ZNF609: variants seen among roughly 807,000 people sequenced by gnomAD.
The protein encoded by ZNF609 is zinc finger protein 609.
In ZNF609, 11 loss-of-function variants were observed where a neutral mutation model predicts 109.5. The ratio of observed to expected loss-of-function variants is 0.10; its 90% CI spans 0.06 to 0.17. The LOEUF (loss-of-function observed/expected upper bound fraction) is 0.17. Ranked by LOEUF, ZNF609 falls within the 10% of genes least tolerant of loss-of-function variation. The pLI is 1.00. For missense variants in ZNF609, 1,559 were observed against 1,772.4 expected, an observed-to-expected ratio of 0.88 and a Z score of 2.16; for synonymous variants, 646 against 662.0, an observed-to-expected ratio of 0.98 and a Z score of 0.37.
chr15:64,598,762 A>C (rs1238224264), intron 2 of ZNF609, among the ~76,000 whole-genome samples: 2 of 125,656 alleles, frequency 1.6e-5, no homozygotes, highest in African/African-American at 5.4e-5. Flanking sequence ...ATATATATAT[A>C]TATATATATA....
In ZNF609 at chr15:64,486,566, G is replaced by A. The variant is rs192808200; in HGVS notation, c.-127-12727G>A. On this transcript the variant is annotated intron_variant, in intron 1 of 9. Coordinates refer to ENST00000326648, the MANE Select transcript of ZNF609 (RefSeq NM_015042.2). ...AATTGTTTTGTCTATCCAAATAATA[G>A]ATAAATTATTTTTGGTTTCCTATGA... 4.0e-4 allele frequency among the ~76,000 whole-genome samples: 61 copies of A among 151,034 alleles called. 1 individual carries two copies. Among genetic ancestry groups the A allele is most frequent in the African/African-American group, 1.5e-3 (60 of 41,196 alleles).
chr15:64,519,518 A>T (rs952889347), intron 2 of ZNF609, among the ~76,000 whole-genome samples: 3 of 152,192 alleles, frequency 2.0e-5, no homozygotes, highest in Non-Finnish European at 2.9e-5. Context: ...CAAACATTTT[A>T]AAATCCACTG....
At chr15:64,472,526 TGTCTG>T (rs1953134001) in intron 1 of ZNF609, among the ~76,000 whole-genome samples, 1 of 152,188 alleles carries the variant, frequency 6.6e-6, no homozygotes, top group South Asian at 2.1e-4. Context: ...GGGCACTTTG[TGTCTG>T]GTTGAGATGA....
intron 3 of ZNF609, among the ~76,000 whole-genome samples, chr15:64,658,952 A>C (rs1896533950): frequency 6.6e-6 from 1 of 152,128 alleles, no homozygotes; most frequent in South Asian, 2.1e-4. Flanking sequence ...TTTTTAATGG[A>C]AAATAACTAT....
chr15:64,504,694 T>G (rs1893608935), intron 2 of ZNF609, among the ~76,000 whole-genome samples: 1 of 151,698 alleles, frequency 6.6e-6, no homozygotes, highest in African/African-American at 2.4e-5. Context: ...TTGGCCAGGC[T>G]GGTCTCAAAT....
intron 3 of ZNF609, chr15:64,631,161 T>C (rs1378319576): frequency 5.0e-6 from 3 of 605,814 alleles, no homozygotes; most frequent in Non-Finnish European, 9.5e-6. Context: ...CTCCTTCCCA[T>C]TGGTTCTCAC....
At chr15:64,655,767 T>G (rs1248664495) in intron 3 of ZNF609, among the ~76,000 whole-genome samples, 1 of 152,142 alleles carries the variant, frequency 6.6e-6, no homozygotes, top group Non-Finnish European at 1.5e-5. Context: ...GGGACGGGGT[T>G]GCAGTGAGCT....
At chr15:64,516,335 G>A (rs547813022) in intron 2 of ZNF609, among the ~76,000 whole-genome samples, 2 of 152,130 alleles carry the variant, frequency 1.3e-5, no homozygotes, top group Admixed American at 6.6e-5. Context: ...GTCTTGCTGA[G>A]TTAAGCAGAA....
At position 64,632,141 on chromosome 15, in the gene ZNF609, C is replaced by CTA. The variant is rs1164319730; in HGVS notation, c.973+9090_973+9091dup. On this transcript the variant is annotated intron_variant, in intron 3 of 9. Coordinates refer to ENST00000326648, the MANE Select transcript of ZNF609 (RefSeq NM_015042.2). ...GATCATGGCTCACTGCAGCCTCAGC[C>CTA]TACCAGGCTCAAGTGATCCTCCCAC... Among the ~76,000 whole-genome samples, 5 of 152,264 alleles carry CTA rather than the reference C, an allele frequency of 3.3e-5. No individual in the cohort carries two copies. In the East Asian group the frequency reaches 9.7e-4, roughly 29 times the overall value.
At chr15:64,509,493 G>C (rs1163022856) in intron 2 of ZNF609, among the ~76,000 whole-genome samples, 6 of 152,206 alleles carry the variant, frequency 3.9e-5, no homozygotes, top group Admixed American at 2.6e-4. Flanking sequence ...GATATCCTTA[G>C]AGACTTTGAA....
At chr15:64,550,988 T>A (rs551302365) in intron 2 of ZNF609, among the ~76,000 whole-genome samples, 1 of 152,362 alleles carries the variant, frequency 6.6e-6, no homozygotes, top group South Asian at 2.1e-4. Context: ...TTTGGTGTCT[T>A]AGTCAAGAAA....
At chr15:64,474,130 AC>A in intron 1 of ZNF609, among the ~76,000 whole-genome samples, 1 of 150,274 alleles carries the variant, frequency 6.7e-6, no homozygotes, top group Middle Eastern at 3.5e-3. Flanking sequence ...CTGGTCTCGA[AC>A]TCCTGACCTC....
chr15:64,562,951 G>A (rs1463163002), intron 2 of ZNF609, among the ~76,000 whole-genome samples: 1 of 151,880 alleles, frequency 6.6e-6, no homozygotes, highest in Non-Finnish European at 1.5e-5. Context: ...TAAGAGGTGA[G>A]TTTACTTCTG....
intron 2 of ZNF609, among the ~76,000 whole-genome samples, chr15:64,557,998 AAGG>A (rs1187249687): frequency 4.6e-5 from 7 of 152,168 alleles, no homozygotes; most frequent in African/African-American, 1.2e-4. Flanking sequence ...GATTTTCTTA[AAGG>A]AGGAGATACC....
intron 2 of ZNF609, among the ~76,000 whole-genome samples, chr15:64,598,770 A>ATG (rs1221565014): frequency 1.6e-5 from 2 of 127,552 alleles, no homozygotes; most frequent in Non-Finnish European, 3.5e-5. Flanking sequence ...ATATATATAT[A>ATG]TATATATATA....
At chr15:64,573,180 G>A (rs1234851683) in intron 2 of ZNF609, among the ~76,000 whole-genome samples, 1 of 150,912 alleles carries the variant, frequency 6.6e-6, no homozygotes, top group Non-Finnish European at 1.5e-5. Flanking sequence ...GAGAAAGTAA[G>A]CAGAAACCAG....
intron 6 of ZNF609, 36 bp from the exon 7 acceptor site, chr15:64,680,149 C>G: frequency 6.2e-7 from 1 of 1,607,406 alleles, no homozygotes. Flanking sequence ...CTCTACCTCT[C>G]CCATCTCTTT....
rs1488668727 is a variant in ZNF609, at chr15:64,532,870, G to A, written c.747+32704G>A. Among the ~76,000 whole-genome samples the A allele has an allele frequency of 5.9e-5, 9 of 152,134 alleles. No individual in the cohort carries two copies. The East Asian group carries it at 1.3e-3, about 23-fold the overall frequency. ...CTGGGGCTTCAGCCTTCAGCATTCA[G>A]TATGTTTAAATCCACATTTAATCTC... On this transcript the variant is annotated intron_variant, in intron 2 of 9. Transcript: ENST00000326648.
At chr15:64,649,158 T>G (rs1340850640) in intron 3 of ZNF609, among the ~76,000 whole-genome samples, 5 of 151,822 alleles carry the variant, frequency 3.3e-5, no homozygotes, top group Non-Finnish European at 7.4e-5. Context: ...AAAAAAAAAA[T>G]AGAATTGTTA....
Sources: allele counts gnomAD v4.1 joint callset (sites outside exome capture counted in the v4.1 genomes callset), GRCh38; gene constraint gnomAD v4.1.1; transcripts MANE v1.5; gene names NCBI Gene and HGNC (gene_info 2026-07-23, HGNC 2026-07-21).